The following CSMD1 variants were observed in gnomAD, a reference collection of about 807,000 sequenced individuals.
The protein encoded by CSMD1 is CUB and Sushi multiple domains 1.
A neutral mutation model predicts 417.5 loss-of-function variants in CSMD1; 213 were observed. The ratio of observed to expected loss-of-function variants is 0.51; its 90% CI spans 0.46 to 0.57. CSMD1 has a LOEUF of 0.57. Ranked by LOEUF, CSMD1 falls within the 20% of genes least tolerant of loss-of-function variation. The probability of loss-of-function intolerance (pLI) is 0.00; values close to 1 mark genes in which losing one functional copy is unlikely to be tolerated. For missense variants in CSMD1, 6,923 were observed against 4,529.7 expected (o/e 1.53, Z -15.17); for synonymous variants, 2,862 against 1,736.8 (o/e 1.65, Z -16.11).
rs1261582811 is a variant in CSMD1 at position 3,362,624 on chromosome 8, C to T, written c.3116-3284G>A. Among the ~76,000 whole-genome samples the T allele has an allele frequency of 2.0e-5, 3 of 152,284 alleles. No homozygotes were observed. The East Asian group carries it at 5.8e-4, about 30-fold the overall frequency. On this transcript the variant is annotated intron_variant, in intron 20 of 69. Coordinates refer to ENST00000635120, the MANE Select transcript of CSMD1 (RefSeq NM_033225.6). Reference sequence around the variant, plus strand: ...CTTTAATATGATCCTGTTATATGAACTGAAGACTCTTGTCAATCACTCTTG... The same window carrying T: ...CTTTAATATGATCCTGTTATATGAATTGAAGACTCTTGTCAATCACTCTTG...
intron 12 of CSMD1, among the ~76,000 whole-genome samples, chr8:3,447,992 TGA>T (rs1815408138): frequency 6.6e-6 from 1 of 152,002 alleles, no homozygotes; most frequent in African/African-American, 2.4e-5. Context: ...GCTGAGGAAA[TGA>T]GAGTCCTGAT....
At chr8:4,681,986 C>T (rs1006379915) in intron 1 of CSMD1, among the ~76,000 whole-genome samples, 69 of 152,034 alleles carry the variant, frequency 4.5e-4, no homozygotes, top group African/African-American at 1.5e-3. Context: ...GTTATTAATA[C>T]GCTTGAAAGG....
intron 63 of CSMD1, among the ~76,000 whole-genome samples, chr8:2,956,016 C>G (rs1175349259): frequency 3.3e-5 from 5 of 152,002 alleles, no homozygotes; most frequent in Non-Finnish European, 5.9e-5. Flanking sequence ...ACTGGGATTA[C>G]AGGCATGAGC....
At chr8:3,879,060 G>A (rs897411601) in intron 5 of CSMD1, among the ~76,000 whole-genome samples, 1 of 152,058 alleles carries the variant, frequency 6.6e-6, no homozygotes, top group Non-Finnish European at 1.5e-5. Context: ...TAAGAACAGG[G>A]ATAGCATCTG....
At chr8:3,402,414 T>G (rs979051247) in intron 15 of CSMD1, among the ~76,000 whole-genome samples, 3 of 152,204 alleles carry the variant, frequency 2.0e-5, no homozygotes, top group Admixed American at 2.0e-4. Flanking sequence ...GTATAGTCAT[T>G]TTTCCCCAAA....
intron 3 of CSMD1, among the ~76,000 whole-genome samples, chr8:4,322,726 G>T (rs561069630): frequency 1.2e-4 from 19 of 152,326 alleles, no homozygotes; most frequent in Admixed American, 5.2e-4. Context: ...CCAGGCACGG[G>T]GCTCGTGCCT....
chr8:3,946,339 T>C (rs1408644540), intron 5 of CSMD1, among the ~76,000 whole-genome samples: 1 of 152,128 alleles, frequency 6.6e-6, no homozygotes, highest in Non-Finnish European at 1.5e-5. Flanking sequence ...CACATTTTCG[T>C]CAAAAAAATC....
chr8:4,444,811 G>C (rs1413666257), intron 2 of CSMD1, among the ~76,000 whole-genome samples: 2 of 152,260 alleles, frequency 1.3e-5, no homozygotes, highest in East Asian at 3.9e-4. Flanking sequence ...TCAGATGCTT[G>C]TGACCTCAGC....
intron 2 of CSMD1, among the ~76,000 whole-genome samples, chr8:4,536,850 T>C (rs1198799895): frequency 6.6e-6 from 1 of 152,224 alleles, no homozygotes; most frequent in Non-Finnish European, 1.5e-5. Flanking sequence ...TGTCACCTTT[T>C]GCATTTTGCA....
chr8:3,867,723 T>C (rs112781545), intron 5 of CSMD1, among the ~76,000 whole-genome samples: 200 of 152,246 alleles, frequency 1.3e-3, no homozygotes, highest in Admixed American at 2.4e-3. Context: ...TTAATAATAA[T>C]AGCTGCTTAT....
intron 12 of CSMD1, among the ~76,000 whole-genome samples, chr8:3,415,234 T>G (rs1037992207): frequency 6.6e-6 from 1 of 152,126 alleles, no homozygotes; most frequent in Non-Finnish European, 1.5e-5. Flanking sequence ...ATATACTAAT[T>G]ACCTTACATA....
intron 5 of CSMD1, among the ~76,000 whole-genome samples, chr8:3,942,329 C>A (rs1282518948): frequency 6.6e-6 from 1 of 152,206 alleles, no homozygotes; most frequent in South Asian, 2.1e-4. Context: ...AATTGTCTTC[C>A]AAGAAACTGG....
chr8:4,272,258 T>A (rs1258199408), intron 3 of CSMD1, among the ~76,000 whole-genome samples: 2 of 152,204 alleles, frequency 1.3e-5, no homozygotes, highest in Non-Finnish European at 2.9e-5. Flanking sequence ...GTTCTTCGAA[T>A]CTGGGACTTT....
intron 5 of CSMD1, among the ~76,000 whole-genome samples, chr8:3,851,053 G>C (rs542325270): frequency 5.9e-5 from 9 of 152,196 alleles, no homozygotes; most frequent in Admixed American, 5.2e-4. Context: ...TTGTAGAAAT[G>C]AATGTAGAAG....
At chr8:3,267,644 G>T (rs1381265902) in intron 26 of CSMD1, among the ~76,000 whole-genome samples, 1 of 152,228 alleles carries the variant, frequency 6.6e-6, no homozygotes, top group Admixed American at 6.5e-5. Flanking sequence ...CAAAAGCAAA[G>T]AGCCAACATA....
At chr8:4,592,337 T>A (rs1800032890) in intron 2 of CSMD1, among the ~76,000 whole-genome samples, 1 of 151,890 alleles carries the variant, frequency 6.6e-6, no homozygotes, top group Non-Finnish European at 1.5e-5. Flanking sequence ...TTCCATTAAA[T>A]TGTCACAAAT....
intron 1 of CSMD1, among the ~76,000 whole-genome samples, chr8:4,766,041 T>C (rs1010014070): frequency 1.3e-5 from 2 of 152,208 alleles, no homozygotes; most frequent in African/African-American, 4.8e-5. Context: ...ACATAAATGT[T>C]TGGAAACTAT....
At chr8:3,160,679 A>G (rs927712697) in intron 38 of CSMD1, among the ~76,000 whole-genome samples, 43 of 152,240 alleles carry the variant, frequency 2.8e-4, no homozygotes, top group African/African-American at 1.0e-3. Flanking sequence ...GGCTTTATAC[A>G]TTGATACTGG....
At chr8:4,295,310 T>A (rs545100349) in intron 3 of CSMD1, among the ~76,000 whole-genome samples, 1 of 111,702 alleles carries the variant, frequency 9.0e-6, no homozygotes, top group African/African-American at 2.8e-5. Flanking sequence ...ATCTATATAA[T>A]CTTAAGATTA....
Sources: allele counts gnomAD v4.1 joint callset (sites outside exome capture counted in the v4.1 genomes callset), GRCh38; gene constraint gnomAD v4.1.1; transcripts MANE v1.5; gene names NCBI Gene and HGNC (gene_info 2026-07-23, HGNC 2026-07-21).